Variants in CDC42BPB observed in about 807,000 individuals in gnomAD.
CDC42BPB encodes the protein serine/threonine-protein kinase MRCK beta.
Under a neutral mutation model 214.9 loss-of-function variants are expected in CDC42BPB, and 37 were observed. That is an observed-to-expected ratio of 0.17 (90% CI 0.13 to 0.23). The LOEUF is 0.23. Among genes scored for constraint, CDC42BPB ranks in the 10% least tolerant of loss-of-function variants. CDC42BPB has a pLI of 1.00. For synonymous variants in CDC42BPB, 931 were observed against 884.0 expected (o/e 1.05, Z -0.94); for missense variants, 1,694 against 2,227.0 (o/e 0.76, Z 4.82).
rs549332515 is a variant in CDC42BPB, at chr14:103,051,426, T to TAAA, written c.175+5570_175+5572dup. 3.2e-3 allele frequency among the ~76,000 whole-genome samples: 260 copies of TAAA among 80,856 alleles called. 2 individuals are homozygous for TAAA. Among genetic ancestry groups the TAAA allele is most frequent in the African/African-American group, 9.4e-3 (249 of 26,350 alleles). The allele number at this position is 80,856 out of a possible 152,430, so 53.0% of individuals were successfully genotyped here. On this transcript the variant is annotated intron_variant, in intron 1 of 36. Transcript: ENST00000361246. ...AACATTGTTTTTAGTCTCTTCCAGCTAAAAAAAAAAAAAAAAAAGCTTTGT... is the reference window on the plus strand; with the variant it reads ...AACATTGTTTTTAGTCTCTTCCAGCTAAAAAAAAAAAAAAAAAAAAAGCTTTGT...
chr14:102,984,005 C>A, intron 6 of CDC42BPB: 1 of 379,774 alleles, frequency 2.6e-6, no homozygotes, highest in Non-Finnish European at 3.6e-6. Flanking sequence ...ACACGGGCAA[C>A]ATGGTCCCCA....
rs915396374 is a variant in CDC42BPB at position 102,943,684 on chromosome 14, A to G, written c.4408+207T>C. On this transcript the variant is annotated intron_variant, in intron 30 of 36. Transcript: ENST00000361246. The surrounding 1 kb of genome is among the most constrained non-coding windows in gnomAD (Gnocchi z 4.6). ...ACCGGCCCCATGTGCTCAGGGAGAG[A>G]GGTTGCTGAGCCCGCCTACTGCTGG... 5.3e-6 allele frequency: 3 copies of G among 563,398 alleles called. No individual in the cohort carries two copies. The highest frequency in any genetic ancestry group is 9.3e-6 in the Non-Finnish European group (3 of 321,222). The allele number at this position is 563,398 out of a possible 1,614,324, so 34.9% of individuals were successfully genotyped here.
intron 30 of CDC42BPB, chr14:102,941,524 A>T (rs1891887967): frequency 3.0e-6 from 3 of 985,344 alleles, no homozygotes; most frequent in South Asian, 9.4e-5. Context: ...CCAAGTCAAA[A>T]GCAGCCCCAG....
At chr14:102,979,015 A>C (rs1301847227) in intron 8 of CDC42BPB, among the ~76,000 whole-genome samples, 3 of 152,174 alleles carry the variant, frequency 2.0e-5, no homozygotes, top group African/African-American at 4.8e-5. Context: ...CAAAAAATAA[A>C]AAATATAAGC....
At chr14:103,053,471 A>G (rs1888728843) in intron 1 of CDC42BPB, among the ~76,000 whole-genome samples, 2 of 151,642 alleles carry the variant, frequency 1.3e-5, no homozygotes. Context: ...ATGAAAGTTG[A>G]AATGACTCGG....
At chr14:102,978,316 C>A in intron 8 of CDC42BPB, 111 bp from the exon 9 acceptor site, 2 of 1,535,116 alleles carry the variant, frequency 1.3e-6, no homozygotes, top group Middle Eastern at 1.7e-4. Context: ...GAACATGTGG[C>A]CTTGGAGAAT....
intron 2 of CDC42BPB, among the ~76,000 whole-genome samples, chr14:103,010,650 TC>T (rs1886102454): frequency 6.6e-6 from 1 of 152,214 alleles, no homozygotes; most frequent in African/African-American, 2.4e-5. Flanking sequence ...GTTTGATTTT[TC>T]CTCAGTGAAC....
rs574680978 is a variant in CDC42BPB, at chr14:103,043,244, AAAAC to A, written c.175+13751_175+13754del. Among the ~76,000 whole-genome samples, 6 of 150,792 alleles carry A rather than the reference AAAAC, an allele frequency of 4.0e-5. No individual in the cohort carries two copies. The South Asian group carries it at 1.0e-3, about 26-fold the overall frequency. On this transcript the variant is annotated intron_variant, in intron 1 of 36. Coordinates refer to ENST00000361246, the MANE Select transcript of CDC42BPB (RefSeq NM_006035.4). ...GAGAGAGAGAGCAAGACTCCATCTG[AAAAC>A]AAACAAAAACACCAAATAAATAAAC...
intron 5 of CDC42BPB, among the ~76,000 whole-genome samples, chr14:102,993,485 A>G (rs1352849887): frequency 6.6e-6 from 1 of 152,036 alleles, no homozygotes; most frequent in Non-Finnish European, 1.5e-5. Context: ...CTCATGAAAA[A>G]AGAGTGAAAG....
At chr14:102,949,253 G>A (rs750036486) in intron 26 of CDC42BPB, among the ~76,000 whole-genome samples, 1 of 152,172 alleles carries the variant, frequency 6.6e-6, no homozygotes, top group African/African-American at 2.4e-5. Flanking sequence ...ACTCTAAGAG[G>A]AAGTGGGAAG....
chr14:102,964,114 G>A lies in CDC42BPB; in HGVS notation c.2726+388C>T, dbSNP rs555649151. ...TCAACCTCTGTTTTAAAATATTCAC[G>A]TTAGCTTGAAAGGAACAATCTTGAA... On this transcript the variant is annotated intron_variant, in intron 19 of 36. Transcript: ENST00000361246. Among the ~76,000 whole-genome samples, 6 of 152,312 alleles carry A rather than the reference G, an allele frequency of 3.9e-5. No homozygotes were observed. In the South Asian group the frequency reaches 1.0e-3, roughly 26 times the overall value.
intron 13 of CDC42BPB, among the ~76,000 whole-genome samples, chr14:102,971,615 C>G (rs906683607): frequency 6.6e-6 from 1 of 152,246 alleles, no homozygotes; most frequent in Admixed American, 6.5e-5. Context: ...CTACTGCCAC[C>G]TGCCCTGTGT....
At chr14:102,980,682 G>T in intron 8 of CDC42BPB, 91 bp downstream of exon 8, 1 of 1,240,140 alleles carries the variant, frequency 8.1e-7, no homozygotes, top group Non-Finnish European at 1.2e-6. Flanking sequence ...ACAGCTTTAT[G>T]GTGTACTGAC....
chr14:102,980,823 G>C lies in CDC42BPB; in HGVS notation c.1090C>G (p.Pro364Ala), dbSNP rs1893964192. The C allele has an allele frequency of 1.9e-6, 3 of 1,614,140 alleles. No homozygotes were observed. The highest frequency in any genetic ancestry group is 2.5e-6 in the Non-Finnish European group (3 of 1,179,992). Residue 364 changes from proline to alanine, a missense_variant, in exon 8 of 37, where the codon CCC becomes GCC. By Grantham distance (27) the Pro-to-Ala change is conservative. Coordinates refer to ENST00000361246, the MANE Select transcript of CDC42BPB (RefSeq NM_006035.4). ...ACGTCGAAGTTGGATGTGTCAGAGG[G>C]ACTGCTCACATCAGGAATATAAGGT... Reference protein sequence around the residue: ...EAPYIPDVSSPSDTSNFDVDD... With the variant: ...EAPYIPDVSSASDTSNFDVDD...
At chr14:102,939,030 G>A (rs559163756) in intron 34 of CDC42BPB, among the ~76,000 whole-genome samples, 8 of 151,736 alleles carry the variant, frequency 5.3e-5, no homozygotes, top group South Asian at 2.1e-4. Flanking sequence ...TCCGCCTCCC[G>A]GGTTCATGCC....
intron 34 of CDC42BPB, 178 bp from the exon 35 acceptor site, chr14:102,938,589 A>G (rs1269048205): frequency 2.0e-6 from 2 of 980,364 alleles, no homozygotes; most frequent in Non-Finnish European, 2.4e-6. Flanking sequence ...AACTGGCAAT[A>G]GCAACTTCAG....
intron 1 of CDC42BPB, among the ~76,000 whole-genome samples, chr14:103,014,982 G>A (rs573113859): frequency 7.9e-5 from 12 of 152,284 alleles, no homozygotes; most frequent in South Asian, 4.1e-4. Context: ...CAAGTCACCC[G>A]GGCTTCCTTG....
At chr14:102,969,651 G>A (rs1201296968) in intron 14 of CDC42BPB, among the ~76,000 whole-genome samples, 1 of 152,224 alleles carries the variant, frequency 6.6e-6, no homozygotes, top group African/African-American at 2.4e-5. Flanking sequence ...ATCCGCCTCC[G>A]GCCCCTTGCC....
intron 5 of CDC42BPB, among the ~76,000 whole-genome samples, chr14:102,992,740 CATATATTCAAAAATAT>C (rs1293106796): frequency 1.3e-4 from 20 of 149,646 alleles, no homozygotes; most frequent in South Asian, 1.1e-3. Flanking sequence ...GCTGAATATA[CATATATTCAAAAATAT>C]ATATATTCAA....
Sources: allele counts gnomAD v4.1 joint callset (sites outside exome capture counted in the v4.1 genomes callset), GRCh38; gene constraint gnomAD v4.1.1; non-coding constraint Gnocchi (gnomAD v3.1); transcripts MANE v1.5; gene names NCBI Gene and HGNC (gene_info 2026-07-23, HGNC 2026-07-21).